Variants in SYNPR observed in about 807,000 individuals in gnomAD.
The protein encoded by SYNPR is synaptoporin.
SYNPR carries 23 observed loss-of-function variants against 32.9 expected under a neutral mutation model. The ratio of observed to expected loss-of-function variants is 0.70; its 90% confidence interval spans 0.50 to 0.99. The LOEUF is 0.99. SYNPR is among the 50% of genes least tolerant of loss of function. SYNPR has a pLI of 0.00. For missense variants in SYNPR, 318 were observed against 349.3 expected (o/e 0.91, Z 0.71); for synonymous variants, 146 against 135.9 (o/e 1.07, Z -0.52).
At chr3:63,387,150 C>G (rs946833735) in intron 2 of SYNPR, among the ~76,000 whole-genome samples, 1 of 152,134 alleles carries the variant, frequency 6.6e-6, no homozygotes, top group African/African-American at 2.4e-5. Flanking sequence ...CTAGCTTGAT[C>G]GCCACAACAA....
the SYNPR span, among the ~76,000 whole-genome samples, chr3:63,205,270 GA>G: frequency 6.6e-6 from 1 of 152,128 alleles, no homozygotes; most frequent in Non-Finnish European, 1.5e-5. Context: ...AAAGCTTAAT[GA>G]AAATGATCCC....
intron 3 of SYNPR, 130 bp from the exon 4 acceptor site, chr3:63,556,413 A>C: frequency 1.5e-6 from 1 of 675,698 alleles, no homozygotes; most frequent in Middle Eastern, 4.3e-4. Flanking sequence ...TTTCTTAATG[A>C]ATATGTTACA....
chr3:63,578,058 T>C (rs1306903568), intron 4 of SYNPR, among the ~76,000 whole-genome samples: 3 of 152,170 alleles, frequency 2.0e-5, no homozygotes, highest in African/African-American at 7.2e-5. Flanking sequence ...CACTATGTCA[T>C]TTAAAAGTCA....
intron 2 of SYNPR, among the ~76,000 whole-genome samples, chr3:63,415,647 A>G (rs961989402): frequency 6.6e-6 from 1 of 152,348 alleles, no homozygotes; most frequent in East Asian, 1.9e-4. Flanking sequence ...AATTCAAGAA[A>G]AACAGCTGGT....
At chr3:63,424,989 C>T (rs1426737373) in intron 2 of SYNPR, among the ~76,000 whole-genome samples, 1 of 152,086 alleles carries the variant, frequency 6.6e-6, no homozygotes, top group African/African-American at 2.4e-5. Context: ...GCATATGTGC[C>T]CAATCCCAAT....
rs117943722 is a variant in SYNPR at position 63,239,397 on chromosome 3, C to T, written n.66+11017C>T. ...TTGTCAAGTGTGTTATGCACCCACC[C>T]TACCATTGTCACCAATCCTACCATT... is the stretch of plus-strand genomic sequence containing the variant. On this transcript the variant is annotated intron_variant and non_coding_transcript_variant, in intron 1 of 4. Transcript: ENST00000478456. Among the ~76,000 whole-genome samples the T allele has an allele frequency of 5.3e-5, 8 of 151,478 alleles. No individual in the cohort carries two copies. In the East Asian group the frequency reaches 1.2e-3, roughly 24 times the overall value.
intron 2 of SYNPR, among the ~76,000 whole-genome samples, chr3:63,293,349 G>A (rs575108716): frequency 3.9e-5 from 6 of 152,200 alleles, no homozygotes; most frequent in South Asian, 4.1e-4. Context: ...ATGTAGAGCC[G>A]TTTTATGCAT....
chr3:63,285,778 AT>A (rs2086674748), intron 2 of SYNPR, among the ~76,000 whole-genome samples: 4 of 152,218 alleles, frequency 2.6e-5, no homozygotes, highest in Admixed American at 2.6e-4. Flanking sequence ...GGCAAGTTAA[AT>A]TCACTAGGCT....
intron 4 of SYNPR, among the ~76,000 whole-genome samples, chr3:63,564,949 G>T (rs550832972): frequency 3.2e-4 from 48 of 152,250 alleles, no homozygotes; most frequent in African/African-American, 1.0e-3. Context: ...TGTGCCTTTG[G>T]TGGGCTGGTG....
At chr3:63,542,564 A>G (rs1559531352) in intron 3 of SYNPR, among the ~76,000 whole-genome samples, 1 of 152,110 alleles carries the variant, frequency 6.6e-6, no homozygotes, top group Non-Finnish European at 1.5e-5. Flanking sequence ...AATCTGGAGA[A>G]GTAAAATGGT....
intron 2 of SYNPR, among the ~76,000 whole-genome samples, chr3:63,408,629 C>T (rs1342261871): frequency 6.6e-6 from 1 of 152,050 alleles, no homozygotes. Context: ...ATTCTGATAC[C>T]CAAGGACAAG....
chr3:63,477,142 G>T (rs1700943302), intron 2 of SYNPR, among the ~76,000 whole-genome samples: 1 of 152,104 alleles, frequency 6.6e-6, no homozygotes, highest in Non-Finnish European at 1.5e-5. Context: ...ACTGGGAGGG[G>T]AATCAGTGGG....
intron 2 of SYNPR, among the ~76,000 whole-genome samples, chr3:63,438,665 C>T (rs1451381418): frequency 6.6e-6 from 1 of 152,192 alleles, no homozygotes; most frequent in African/African-American, 2.4e-5. Flanking sequence ...AAGTTCTGCT[C>T]TGATTCTATA....
At chr3:63,377,709 A>C (rs1327699690) in intron 2 of SYNPR, among the ~76,000 whole-genome samples, 1 of 152,090 alleles carries the variant, frequency 6.6e-6, no homozygotes, top group Non-Finnish European at 1.5e-5. Flanking sequence ...CATTAATTAC[A>C]TGGTTTTATA....
intron 2 of SYNPR, among the ~76,000 whole-genome samples, chr3:63,447,744 A>T (rs902065663): frequency 1.3e-4 from 19 of 146,774 alleles, no homozygotes; most frequent in African/African-American, 4.5e-4. Flanking sequence ...TTTTACTGTG[A>T]TTTTTTTTTT....
chr3:63,313,213 A>AT (rs555578977), intron 2 of SYNPR, among the ~76,000 whole-genome samples: 3 of 151,646 alleles, frequency 2.0e-5, no homozygotes, highest in African/African-American at 7.3e-5. Flanking sequence ...GGTTGATCTG[A>AT]TTTTTTTTAT....
intron 2 of SYNPR, among the ~76,000 whole-genome samples, chr3:63,410,926 G>A (rs1032402426): frequency 5.3e-5 from 8 of 152,156 alleles, no homozygotes; most frequent in African/African-American, 1.7e-4. Flanking sequence ...CAGGGCAGCA[G>A]AATTCATCTT....
intron 2 of SYNPR, among the ~76,000 whole-genome samples, chr3:63,325,304 T>A (rs1276331813): frequency 6.6e-6 from 1 of 152,146 alleles, no homozygotes; most frequent in Non-Finnish European, 1.5e-5. Flanking sequence ...ATTCTTAGCA[T>A]CACTCACTTG....
chr3:63,595,862 TA>T (rs1699948188), intron 4 of SYNPR, among the ~76,000 whole-genome samples: 1 of 80,940 alleles, frequency 1.2e-5, no homozygotes. Flanking sequence ...TATATATAGT[TA>T]TATATATATA....
Sources: allele counts gnomAD v4.1 joint callset (sites outside exome capture counted in the v4.1 genomes callset), GRCh38; gene constraint gnomAD v4.1.1; transcripts MANE v1.5; gene names NCBI Gene and HGNC (gene_info 2026-07-23, HGNC 2026-07-21).